Variants in ARHGAP6 observed in about 807,000 individuals in gnomAD.
ARHGAP6 encodes the protein Rho GTPase activating protein 6.
In ARHGAP6, 16 loss-of-function variants were observed where a neutral mutation model predicts 55.7. That is an observed-to-expected ratio of 0.29 (90% CI 0.19 to 0.44). The LOEUF (loss-of-function observed/expected upper bound fraction) is 0.44, where lower values mean the gene tolerates loss of function less well. Among genes scored for constraint, ARHGAP6 ranks in the 20% least tolerant of loss-of-function variants. ARHGAP6 has a pLI of 1.00. For synonymous variants in ARHGAP6, 382 were observed against 360.9 expected, an observed-to-expected ratio of 1.06 and a Z score of -0.66; for missense variants, 698 against 808.9, an observed-to-expected ratio of 0.86 and a Z score of 1.66.
At chrX:11,552,555 C>CATATATAT (rs59008705) in intron 1 of ARHGAP6, among the ~76,000 whole-genome samples, 716 of 12,514 alleles carry the variant, frequency 0.057, 54 homozygotes, top group Middle Eastern at 0.17. Flanking sequence ...GAAAATGTGC[C>CATATATAT]ATATATATAT....
chrX:11,196,568 T>C (rs770249484), intron 3 of ARHGAP6, among the ~76,000 whole-genome samples: 1 of 111,838 alleles, frequency 8.9e-6, no homozygotes, highest in Non-Finnish European at 1.9e-5. Context: ...CAAACTCTCA[T>C]TAAACTAACC....
chrX:11,189,024 T>C (rs763293210), intron 3 of ARHGAP6, 40 bp from the exon 4 acceptor site: 5 of 1,186,002 alleles, frequency 4.2e-6, no homozygotes, highest in Non-Finnish European at 5.7e-6. Flanking sequence ...AGAGACTGAC[T>C]GGTCCAGTGA....
At chrX:11,184,596 C>A (rs1455263276) in intron 5 of ARHGAP6, among the ~76,000 whole-genome samples, 2 of 112,395 alleles carry the variant, frequency 1.8e-5, no homozygotes, top group African/African-American at 6.5e-5. Context: ...ATTAAAATTA[C>A]TGTGACCTAC....
At chrX:11,566,655 C>G (rs969305253) in intron 1 of ARHGAP6, among the ~76,000 whole-genome samples, 2 of 111,765 alleles carry the variant, frequency 1.8e-5, no homozygotes, top group African/African-American at 6.5e-5. Context: ...TGTAAAAGAG[C>G]TTTAGAATGT....
chrX:11,543,418 TC>T (rs1396367411), intron 1 of ARHGAP6, among the ~76,000 whole-genome samples: 3 of 112,578 alleles, frequency 2.7e-5, no homozygotes, highest in African/African-American at 9.7e-5. Context: ...TTGTCACAAT[TC>T]AGAGGGGAGG....
In ARHGAP6 at chrX:11,201,989, CTGTGTGTGTGTGTGTGTGTG is replaced by C. The variant is rs56023548; in HGVS notation, c.749-5013_749-4994del. 1.6e-3 allele frequency among the ~76,000 whole-genome samples: 106 copies of C among 65,534 alleles called. No homozygotes were observed. The South Asian group carries it at 0.039, about 24-fold the overall frequency. 56.9% of individuals were successfully genotyped at this position (65,534 alleles called of 115,157 possible). A position where few individuals can be genotyped will look rare whatever the true frequency, so the allele number is the denominator to read the frequency against. The stretch of plus-strand genomic sequence containing the variant: ...CTGTGTGCAAACTGAGCATCTGGAT[CTGTGTGTGTGTGTGTGTGTG>C]TGTGTGTGTGTGTGTGTGTGTGTGT... On this transcript the variant is annotated intron_variant, in intron 2 of 12. Coordinates refer to ENST00000337414, the MANE Select transcript of ARHGAP6 (RefSeq NM_013427.3).
chrX:11,488,777 G>C (rs908657012), intron 1 of ARHGAP6, among the ~76,000 whole-genome samples: 1 of 111,397 alleles, frequency 9.0e-6, no homozygotes, highest in African/African-American at 3.3e-5. Context: ...ACTAGTGCCT[G>C]ATGATCTGAG....
intron 1 of ARHGAP6, among the ~76,000 whole-genome samples, chrX:11,436,492 A>G (rs1187534278): frequency 8.9e-6 from 1 of 112,594 alleles, no homozygotes; most frequent in Non-Finnish European, 1.9e-5. Flanking sequence ...TTGTCTGAAT[A>G]TAAGAAAGAA....
chrX:11,142,558 C>G (rs777048654), intron 11 of ARHGAP6: 9 of 157,969 alleles, frequency 5.7e-5, no homozygotes, highest in Non-Finnish European at 1.1e-4. Context: ...GTGTCATAAT[C>G]CCACAAATCT....
intron 1 of ARHGAP6, among the ~76,000 whole-genome samples, chrX:11,346,719 AAAAGAAAGAAAGAAAG>A (rs74803792): frequency 3.2e-5 from 3 of 92,373 alleles, no homozygotes; most frequent in East Asian, 3.3e-4. Flanking sequence ...AAGAAGAAAG[AAAAGAAAGAAAGAAAG>A]AAAGAAAGAA....
intron 2 of ARHGAP6, among the ~76,000 whole-genome samples, chrX:11,231,715 G>C (rs2047132679): frequency 8.9e-6 from 1 of 112,355 alleles, no homozygotes; most frequent in African/African-American, 3.2e-5. Flanking sequence ...ATTGCACTCA[G>C]AGTACAAAAG....
At chrX:11,655,044 GCTCCACATCC>G (rs1264842648) in intron 1 of ARHGAP6, among the ~76,000 whole-genome samples, 3 of 111,099 alleles carry the variant, frequency 2.7e-5, no homozygotes, top group Admixed American at 9.6e-5. Flanking sequence ...ATTAGCTGTC[GCTCCACATCC>G]CTCCCTACCA....
chrX:11,277,770 T>A (rs1185155888), intron 1 of ARHGAP6, among the ~76,000 whole-genome samples: 1 of 110,996 alleles, frequency 9.0e-6, no homozygotes, highest in African/African-American at 3.3e-5. Flanking sequence ...AATTTAATCA[T>A]TTATGTTTAT....
chrX:11,486,248 T>C (rs1336026101), intron 1 of ARHGAP6, among the ~76,000 whole-genome samples: 2 of 112,278 alleles, frequency 1.8e-5, no homozygotes, highest in Non-Finnish European at 3.8e-5. Context: ...TGGGTTACCA[T>C]GGGTGAATCC....
chrX:11,230,060 G>A (rs1230239021), intron 2 of ARHGAP6, among the ~76,000 whole-genome samples: 1 of 112,134 alleles, frequency 8.9e-6, no homozygotes, highest in Non-Finnish European at 1.9e-5. Context: ...TCTTTCAGTA[G>A]TTACAGAGGC....
intron 1 of ARHGAP6, among the ~76,000 whole-genome samples, chrX:11,596,015 G>A (rs1394290299): frequency 3.6e-5 from 4 of 111,956 alleles, no homozygotes; most frequent in African/African-American, 9.7e-5. Flanking sequence ...ACGGTGTGAC[G>A]ATTCCTCAAG....
At chrX:11,225,697 G>A (rs1347350234) in intron 2 of ARHGAP6, 5 of 664,151 alleles carry the variant, frequency 7.5e-6, no homozygotes, top group South Asian at 3.0e-5. Flanking sequence ...CAAAAGAGAC[G>A]GCAACAAGAT....
chrX:11,629,778 A>T (rs945961533), intron 1 of ARHGAP6, among the ~76,000 whole-genome samples: 3 of 111,238 alleles, frequency 2.7e-5, no homozygotes, highest in African/African-American at 9.8e-5. Context: ...TTCCCTGCCA[A>T]ACCTGACCTC....
intron 1 of ARHGAP6, among the ~76,000 whole-genome samples, chrX:11,454,876 T>C (rs1277769023): frequency 8.9e-6 from 1 of 112,635 alleles, no homozygotes; most frequent in Non-Finnish European, 1.9e-5. Context: ...CAGTTTGGTT[T>C]CATAATTGGA....
Sources: gnomAD v4.1 joint callset for allele counts (sites outside exome capture counted in the v4.1 genomes callset) on GRCh38, gnomAD v4.1.1 for gene constraint, MANE v1.5 for transcripts, NCBI Gene and HGNC (gene_info 2026-07-23, HGNC 2026-07-21) for gene names.